The following PPP2R2B variants were observed in gnomAD, a reference collection of about 807,000 sequenced individuals.
PPP2R2B encodes the protein serine/threonine-protein phosphatase 2A 55 kDa regulatory subunit B beta isoform.
Under a neutral mutation model 46.0 loss-of-function variants are expected in PPP2R2B, and 5 were observed. The ratio of observed to expected loss-of-function variants is 0.11; its 90% confidence interval spans 0.06 to 0.23. The LOEUF is 0.23. PPP2R2B is among the 10% of genes least tolerant of loss of function. The pLI is 1.00. For synonymous variants in PPP2R2B, 215 were observed against 206.7 expected (o/e 1.04, Z -0.34); for missense variants, 367 against 575.0 (o/e 0.64, Z 3.70).
chr5:146,684,794 C>A (rs895265421), intron 5 of PPP2R2B, among the ~76,000 whole-genome samples: 9 of 152,154 alleles, frequency 5.9e-5, no homozygotes, highest in African/African-American at 2.2e-4. Context: ...CAGGGACCAC[C>A]TGCACCAGAA....
At chr5:146,657,525 A>G (rs1164687487) in intron 5 of PPP2R2B, among the ~76,000 whole-genome samples, 2 of 152,186 alleles carry the variant, frequency 1.3e-5, no homozygotes, top group East Asian at 3.8e-4. Context: ...CAATTATGTT[A>G]TGGAAGGAGC....
intron 2 of PPP2R2B, among the ~76,000 whole-genome samples, chr5:146,729,787 C>G (rs1752115872): frequency 6.6e-6 from 1 of 152,178 alleles, no homozygotes; most frequent in South Asian, 2.1e-4. Flanking sequence ...GGAACCTCCA[C>G]CTAGATTTCA....
intron 7 of PPP2R2B, chr5:146,617,129 C>T (rs1233485290): frequency 2.0e-5 from 3 of 152,120 alleles, no homozygotes; most frequent in Non-Finnish European, 4.4e-5. Flanking sequence ...GACAGAAAGA[C>T]AAACCTTGCA....
At position 146,678,490 on chromosome 5, in the gene PPP2R2B, G is replaced by C. The variant is rs1018128329; in HGVS notation, c.447+12638C>G. 5.3e-4 allele frequency among the ~76,000 whole-genome samples: 72 copies of C among 136,650 alleles called. 7 individuals carry two copies. Among genetic ancestry groups the C allele is most frequent in the African/African-American group, 2.2e-3 (68 of 30,418 alleles). The allele number at this position is 136,650 out of a possible 152,430, so 89.6% of individuals were successfully genotyped here. On this transcript the variant is annotated intron_variant, in intron 5 of 9. Transcript: ENST00000394411. ...CCCTTTGGAAACTGGCACAAGACAG[G>C]GATGCCCTCTCTCACCACTCCTATT... is the stretch of plus-strand genomic sequence containing the variant.
At chr5:146,635,944 C>T (rs1774791968) in intron 7 of PPP2R2B, among the ~76,000 whole-genome samples, 4 of 152,206 alleles carry the variant, frequency 2.6e-5, no homozygotes, top group Admixed American at 6.5e-5. Flanking sequence ...CGAATGCCAA[C>T]CTTTAATATC....
chr5:146,771,379 T>A (rs1247318864), intron 2 of PPP2R2B, among the ~76,000 whole-genome samples: 1 of 152,200 alleles, frequency 6.6e-6, no homozygotes, highest in East Asian at 1.9e-4. Context: ...GAACAGGTGC[T>A]ACTAATTTTT....
At chr5:146,738,416 A>G (rs1241543615) in intron 2 of PPP2R2B, among the ~76,000 whole-genome samples, 1 of 145,898 alleles carries the variant, frequency 6.9e-6, no homozygotes, top group East Asian at 2.1e-4. Flanking sequence ...AAAAAAAAAA[A>G]ATCTTAGCTT....
intron 2 of PPP2R2B, among the ~76,000 whole-genome samples, chr5:147,075,636 C>CT (rs2151912663): frequency 6.6e-6 from 1 of 152,134 alleles, no homozygotes; most frequent in Admixed American, 6.5e-5. Flanking sequence ...AAATATCTTT[C>CT]TTTTTCAGGT....
At chr5:146,822,151 C>T (rs187765751) in intron 2 of PPP2R2B, among the ~76,000 whole-genome samples, 4 of 152,212 alleles carry the variant, frequency 2.6e-5, no homozygotes, top group East Asian at 1.9e-4. Flanking sequence ...AAAGAAAGTT[C>T]GTAAAATAAC....
chr5:146,916,293 G>GTTTT (rs5871996), intron 1 of PPP2R2B, among the ~76,000 whole-genome samples: 1 of 141,950 alleles, frequency 7.0e-6, no homozygotes, highest in African/African-American at 2.6e-5. Flanking sequence ...TGTTACCACC[G>GTTTT]TTTTTTTTTT....
At chr5:146,924,086 A>G (rs950678048) in intron 1 of PPP2R2B, among the ~76,000 whole-genome samples, 2 of 152,122 alleles carry the variant, frequency 1.3e-5, no homozygotes, top group African/African-American at 4.8e-5. Flanking sequence ...TGAAGGGTGG[A>G]AGGAGGGAGA....
chr5:146,750,944 CAG>C (rs984581868), intron 2 of PPP2R2B, among the ~76,000 whole-genome samples: 26 of 152,098 alleles, frequency 1.7e-4, no homozygotes, highest in African/African-American at 6.3e-4. Context: ...GCTGGAGCAG[CAG>C]AGAGACACCA....
intron 2 of PPP2R2B, among the ~76,000 whole-genome samples, chr5:146,745,476 G>A (rs1753132754): frequency 1.3e-5 from 2 of 152,194 alleles, no homozygotes; most frequent in African/African-American, 4.8e-5. Flanking sequence ...AGTGAAAGAC[G>A]AATGTTAGTT....
At chr5:146,622,380 C>G (rs1209996255) in intron 7 of PPP2R2B, among the ~76,000 whole-genome samples, 1 of 152,162 alleles carries the variant, frequency 6.6e-6, no homozygotes, top group African/African-American at 2.4e-5. Context: ...GAGGTGGATA[C>G]TTAGCTGTAC....
At chr5:147,006,964 C>G (rs1212941436) in intron 1 of PPP2R2B, among the ~76,000 whole-genome samples, 1 of 152,148 alleles carries the variant, frequency 6.6e-6, no homozygotes, top group Non-Finnish European at 1.5e-5. Flanking sequence ...ATGGCTTCTC[C>G]CCTTTCTAGG....
At chr5:146,852,848 A>C (rs1760429728) in intron 2 of PPP2R2B, among the ~76,000 whole-genome samples, 1 of 152,146 alleles carries the variant, frequency 6.6e-6, no homozygotes, top group African/African-American at 2.4e-5. Context: ...TCTATTTGAC[A>C]AAAAAGCGGA....
At chr5:146,710,877 G>A (rs1194041639) in intron 2 of PPP2R2B, among the ~76,000 whole-genome samples, 1 of 152,214 alleles carries the variant, frequency 6.6e-6, no homozygotes, top group Non-Finnish European at 1.5e-5. Context: ...TCTGGCACAT[G>A]TTTGGTCAGA....
Position 146,650,866 on chromosome 5 carries a change from A to G in PPP2R2B, c.448-142T>C, listed in dbSNP as rs749535187. On this transcript the variant is annotated intron_variant, in intron 5 of 9. Transcript: ENST00000394411. The stretch of plus-strand genomic sequence containing the variant: ...CAAGTTAGAGAAAGAAGAGGCTAAT[A>G]ACGAATCACACACTGTTCTTGTTCC... The G allele has an allele frequency of 2.5e-5, 18 of 716,750 alleles. No homozygotes were observed. The East Asian group carries it at 5.0e-4, about 20-fold the overall frequency. 44.4% of individuals were successfully genotyped at this position (716,750 alleles called of 1,614,324 possible). A position where few individuals can be genotyped will look rare whatever the true frequency, so the allele number is the denominator to read the frequency against.
At chr5:146,820,232 G>A (rs1487320598) in intron 2 of PPP2R2B, among the ~76,000 whole-genome samples, 2 of 152,154 alleles carry the variant, frequency 1.3e-5, no homozygotes, top group African/African-American at 4.8e-5. Flanking sequence ...AATGATACAT[G>A]TCTGAGGTGA....
Sources: allele counts gnomAD v4.1 joint callset (sites outside exome capture counted in the v4.1 genomes callset), GRCh38; gene constraint gnomAD v4.1.1; transcripts MANE v1.5; gene names NCBI Gene and HGNC (gene_info 2026-07-23, HGNC 2026-07-21).